RGPD2: variants seen among roughly 807,000 people sequenced by gnomAD.
RGPD2 encodes the protein RANBP2-like and GRIP domain-containing protein 2.
Under a neutral mutation model 36.0 loss-of-function variants are expected in RGPD2, and 2 were observed. That is an observed-to-expected ratio of 0.06 (90% confidence interval 0.02 to 0.17). RGPD2 has a LOEUF of 0.17. Ranked by LOEUF, RGPD2 falls within the 10% of genes least tolerant of loss-of-function variation. The pLI is 1.00. For synonymous variants in RGPD2, 19 were observed against 163.8 expected, an observed-to-expected ratio of 0.12 and a Z score of 6.75; for missense variants, 40 against 464.3, an observed-to-expected ratio of 0.09 and a Z score of 8.40.
chr2:87,769,760 T>A (rs1338954795), intron 22 of RGPD2, among the ~76,000 whole-genome samples: 1 of 151,050 alleles, frequency 6.6e-6, no homozygotes, highest in Non-Finnish European at 1.5e-5. Context: ...AAATTAGTTA[T>A]AATTTTGAGA....
the RGPD2 span, among the ~76,000 whole-genome samples, chr2:87,893,445 T>C: frequency 6.8e-6 from 1 of 147,984 alleles, no homozygotes; most frequent in African/African-American, 2.6e-5. Context: ...AAATTGTAGC[T>C]GACAATGACT....
chr2:87,809,520 T>A (rs2104341904), intron 6 of RGPD2, among the ~76,000 whole-genome samples: 1 of 136,502 alleles, frequency 7.3e-6, no homozygotes, highest in East Asian at 2.3e-4. Flanking sequence ...TACAAAAAAA[T>A]TAGCCGAGCG....
chr2:87,842,334 C>T, the RGPD2 span, among the ~76,000 whole-genome samples: 145 of 147,502 alleles, frequency 9.8e-4, no homozygotes, highest in African/African-American at 3.8e-3. Context: ...CCAAAATCTC[C>T]GTAAGCTGAT....
At chr2:87,988,056 A>T in the RGPD2 span, among the ~76,000 whole-genome samples, 7 of 152,322 alleles carry the variant, frequency 4.6e-5, no homozygotes, top group Admixed American at 6.5e-5. Flanking sequence ...AAGATTCCTA[A>T]AATGAAAAAG....
the RGPD2 span, among the ~76,000 whole-genome samples, chr2:87,840,491 G>GA: frequency 6.6e-6 from 1 of 151,140 alleles, no homozygotes; most frequent in African/African-American, 2.4e-5. Flanking sequence ...ATGTTACCCA[G>GA]AAAAAACATA....
chr2:87,957,759 T>C, the RGPD2 span, among the ~76,000 whole-genome samples: 1 of 152,300 alleles, frequency 6.6e-6, no homozygotes, highest in African/African-American at 2.4e-5. Flanking sequence ...TTCATTGTGG[T>C]TTTCTTCCCC....
At chr2:87,858,433 T>C in the RGPD2 span, among the ~76,000 whole-genome samples, 9 of 152,168 alleles carry the variant, frequency 5.9e-5, no homozygotes, top group African/African-American at 2.2e-4. Flanking sequence ...GCTGCTTTTT[T>C]TTTTCCCCTT....
At chr2:87,875,035 A>G in the RGPD2 span, among the ~76,000 whole-genome samples, 5 of 152,354 alleles carry the variant, frequency 3.3e-5, no homozygotes, top group South Asian at 1.0e-3. Flanking sequence ...TGGGAATACT[A>G]GCAAGTTTTG....
At chr2:87,980,038 A>G in the RGPD2 span, among the ~76,000 whole-genome samples, 7 of 151,594 alleles carry the variant, frequency 4.6e-5, no homozygotes, top group Admixed American at 1.3e-4. Context: ...AAAAAAACAT[A>G]TTTGGACCAC....
chr2:87,839,685 C>T, the RGPD2 span, among the ~76,000 whole-genome samples: 1 of 151,970 alleles, frequency 6.6e-6, no homozygotes, highest in Non-Finnish European at 1.5e-5. Flanking sequence ...AAACCAAATA[C>T]CACATATTCT....
At chr2:87,977,928 C>A in the RGPD2 span, among the ~76,000 whole-genome samples, 3 of 151,412 alleles carry the variant, frequency 2.0e-5, no homozygotes, top group East Asian at 5.9e-4. Context: ...CCAGCCTGTC[C>A]AACATGGTGA....
intron 19 of RGPD2, 106 bp from the exon 20 acceptor site, chr2:87,784,453 AATG>A (rs753292841): frequency 2.4e-3 from 2,151 of 900,426 alleles, no homozygotes; most frequent in African/African-American, 0.018. Context: ...TGTTAACAAT[AATG>A]ATGATGATGA....
chr2:87,825,181 C>T (rs1410010215), intron 1 of RGPD2: 3 of 393,380 alleles, frequency 7.6e-6, no homozygotes, highest in Non-Finnish European at 1.3e-5. Flanking sequence ...CATTCTATTT[C>T]CCCCTCTATT....
At chr2:87,915,431 ATGT>A in the RGPD2 span, among the ~76,000 whole-genome samples, 1 of 134,278 alleles carries the variant, frequency 7.4e-6, no homozygotes, top group South Asian at 2.2e-4. Flanking sequence ...ATATGTATAT[ATGT>A]ATGTGTATAT....
At chr2:87,858,296 A>G in the RGPD2 span, among the ~76,000 whole-genome samples, 1 of 151,474 alleles carries the variant, frequency 6.6e-6, no homozygotes, top group East Asian at 1.9e-4. Flanking sequence ...AAAAATAAAA[A>G]TGAATAGTCA....
rs956751792 is a variant in RGPD2 at position 87,825,292 on chromosome 2, A to G, written c.72+366T>C. The G allele has an allele frequency of 2.8e-5, 11 of 391,152 alleles. No individual in the cohort carries two copies. The East Asian group carries it at 4.0e-4, about 14-fold the overall frequency. The allele number at this position is 391,152 out of a possible 1,614,324, so 24.2% of individuals were successfully genotyped here. On this transcript the variant is annotated intron_variant, in intron 1 of 22. Transcript: ENST00000398146. ...ACAAATGATAGCCATACACAACACT[A>G]AAGGGCGAACCTGATCTCTTATACT...
At chr2:87,937,848 A>C in the RGPD2 span, among the ~76,000 whole-genome samples, 1 of 152,076 alleles carries the variant, frequency 6.6e-6, no homozygotes, top group South Asian at 2.1e-4. Flanking sequence ...TATTTCAAGG[A>C]GGTAGATGTC....
chr2:87,958,504 A>T, the RGPD2 span, among the ~76,000 whole-genome samples: 2 of 152,294 alleles, frequency 1.3e-5, no homozygotes, highest in African/African-American at 4.8e-5. Context: ...TAAAGGTTAA[A>T]CATTTCTATC....
chr2:87,825,537 C>CCGAAGCCGCCGCCCGGCCAGGT (rs1686739600), intron 1 of RGPD2, 121 bp downstream of exon 1: 1 of 588,600 alleles, frequency 1.7e-6, no homozygotes, highest in Non-Finnish European at 2.0e-6. Context: ...GAGGCCGAGG[C>CCGAAGCCGCCGCCCGGCCAGGT]CGAGGCCGCC....
Sources: allele counts gnomAD v4.1 joint callset (sites outside exome capture counted in the v4.1 genomes callset), GRCh38; gene constraint gnomAD v4.1.1; transcripts MANE v1.5; gene names NCBI Gene and HGNC (gene_info 2026-07-23, HGNC 2026-07-21).